RORB: variants seen among roughly 807,000 people sequenced by gnomAD.
RORB encodes RAR related orphan receptor B.
RORB carries 6 observed loss-of-function variants against 59.1 expected under a neutral mutation model. That is an observed-to-expected ratio of 0.10 (90% CI 0.06 to 0.20). RORB has a LOEUF of 0.20. Ranked by LOEUF, RORB falls within the 10% of genes least tolerant of loss-of-function variation. The pLI is 1.00. For synonymous variants in RORB, 215 were observed against 204.5 expected, an observed-to-expected ratio of 1.05 and a Z score of -0.44; for missense variants, 320 against 560.5, an observed-to-expected ratio of 0.57 and a Z score of 4.33.
At chr9:74,498,203 G>GC (rs1189117010) in intron 1 of RORB, 1 of 605,258 alleles carries the variant, frequency 1.7e-6, no homozygotes, top group African/African-American at 1.9e-5. Context: ...GCGGGAGGGC[G>GC]CTTTTTTGGA....
chr9:74,647,396 C>G (rs1823917251), intron 4 of RORB, among the ~76,000 whole-genome samples: 1 of 152,112 alleles, frequency 6.6e-6, no homozygotes, highest in Non-Finnish European at 1.5e-5. Flanking sequence ...TCTCAGACAA[C>G]AAGACAATTG....
intron 1 of RORB, among the ~76,000 whole-genome samples, chr9:74,610,949 C>T (rs552609300): frequency 7.3e-4 from 111 of 152,276 alleles, no homozygotes; most frequent in Admixed American, 1.7e-3. Context: ...TTTTCAAGAA[C>T]CTCCGTGGGA....
intron 1 of RORB, among the ~76,000 whole-genome samples, chr9:74,547,122 T>G (rs940300930): frequency 2.1e-4 from 32 of 151,856 alleles, no homozygotes; most frequent in African/African-American, 2.4e-4. Context: ...ATTGTTTTGG[T>G]TTTTTTTGTT....
intron 1 of RORB, among the ~76,000 whole-genome samples, chr9:74,545,620 G>A (rs970931642): frequency 1.3e-5 from 2 of 152,166 alleles, no homozygotes; most frequent in Non-Finnish European, 2.9e-5. Context: ...AAGATGAGAA[G>A]GTTGGAGAGA....
chr9:74,568,212 A>G (rs1822496657), intron 1 of RORB, among the ~76,000 whole-genome samples: 1 of 152,206 alleles, frequency 6.6e-6, no homozygotes, highest in African/African-American at 2.4e-5. Context: ...TGCTTGATTC[A>G]GGTGAAAAGT....
At chr9:74,510,865 G>A (rs1825927823) in intron 1 of RORB, among the ~76,000 whole-genome samples, 1 of 152,144 alleles carries the variant, frequency 6.6e-6, no homozygotes, top group Non-Finnish European at 1.5e-5. Flanking sequence ...AGAATGAGTA[G>A]CATCTTCACC....
At chr9:74,683,984 CTAAAATT>C (rs1452993749) in intron 9 of RORB, among the ~76,000 whole-genome samples, 1 of 152,160 alleles carries the variant, frequency 6.6e-6, no homozygotes, top group Non-Finnish European at 1.5e-5. Context: ...GATTCTCAGT[CTAAAATT>C]TAGCATCCAT....
chr9:74,585,644 C>T (rs1236811923), intron 1 of RORB, among the ~76,000 whole-genome samples: 1 of 152,042 alleles, frequency 6.6e-6, no homozygotes, highest in Non-Finnish European at 1.5e-5. Flanking sequence ...GGTACTATAC[C>T]GTCAACTAGT....
At chr9:74,633,740 G>A (rs1055337930) in intron 2 of RORB, among the ~76,000 whole-genome samples, 31 of 152,156 alleles carry the variant, frequency 2.0e-4, no homozygotes, top group African/African-American at 7.5e-4. Flanking sequence ...GTCACTGGCA[G>A]TTCATTTTTT....
chr9:74,566,795 C>CA (rs1822476463), intron 1 of RORB, among the ~76,000 whole-genome samples: 1 of 151,998 alleles, frequency 6.6e-6, no homozygotes, highest in South Asian at 2.1e-4. Context: ...GATTCCATCT[C>CA]AAAAAAATAA....
chr9:74,522,428 A>G (rs900460623), intron 1 of RORB, among the ~76,000 whole-genome samples: 1 of 151,788 alleles, frequency 6.6e-6, no homozygotes, highest in East Asian at 1.9e-4. Context: ...ACAACTAACC[A>G]AAATTATTCT....
intron 9 of RORB, among the ~76,000 whole-genome samples, chr9:74,674,639 C>T (rs1824405835): frequency 1.3e-5 from 2 of 152,288 alleles, no homozygotes; most frequent in South Asian, 4.1e-4. Context: ...TTGGGCCAAA[C>T]TTTAACCTTA....
At chr9:74,678,247 CTCTTAATG>C (rs1379427275) in intron 9 of RORB, among the ~76,000 whole-genome samples, 3 of 152,192 alleles carry the variant, frequency 2.0e-5, no homozygotes, top group African/African-American at 7.2e-5. Flanking sequence ...AGCACCTGAA[CTCTTAATG>C]TAAGGCAGCT....
chr9:74,529,530 G>A (rs1441830652), intron 1 of RORB, among the ~76,000 whole-genome samples: 1 of 151,534 alleles, frequency 6.6e-6, no homozygotes, highest in Non-Finnish European at 1.5e-5. Flanking sequence ...CATAATAATA[G>A]TACTTGGCTC....
In RORB at chr9:74,624,948, T is replaced by C. The variant is rs140548013; in HGVS notation, c.8-5334T>C. 2.0e-5 allele frequency among the ~76,000 whole-genome samples: 3 copies of C among 152,238 alleles called. No homozygotes were observed. The East Asian group carries it at 5.8e-4, about 29-fold the overall frequency. ...TGGGAAACAGAAGCTAACAGGTGAATCCAATGTCCTAGAATGTAGTCTGTG... is the reference window on the plus strand; with the variant it reads ...TGGGAAACAGAAGCTAACAGGTGAACCCAATGTCCTAGAATGTAGTCTGTG... On this transcript the variant is annotated intron_variant, in intron 1 of 9. Transcript: ENST00000376896.
intron 9 of RORB, among the ~76,000 whole-genome samples, chr9:74,674,470 G>T (rs139810076): frequency 6.6e-6 from 1 of 152,138 alleles, no homozygotes; most frequent in African/African-American, 2.4e-5. Context: ...TATTTCTACC[G>T]CTGACCTGTT....
intron 4 of RORB, among the ~76,000 whole-genome samples, chr9:74,656,125 A>C (rs1381975399): frequency 6.6e-6 from 1 of 152,212 alleles, no homozygotes; most frequent in Non-Finnish European, 1.5e-5. Flanking sequence ...ACTCTTATAA[A>C]TCCTTTGAGA....
intron 4 of RORB, among the ~76,000 whole-genome samples, chr9:74,653,436 T>C (rs1016761171): frequency 1.3e-5 from 2 of 152,096 alleles, no homozygotes; most frequent in Non-Finnish European, 2.9e-5. Context: ...TACGGTATTT[T>C]TAGGAAGAAT....
At chr9:74,569,656 A>T (rs1235324189) in intron 1 of RORB, among the ~76,000 whole-genome samples, 2 of 152,096 alleles carry the variant, frequency 1.3e-5, no homozygotes, top group African/African-American at 4.8e-5. Context: ...CATCATTGAA[A>T]CCAGGTGACT....
Sources: allele counts gnomAD v4.1 joint callset (sites outside exome capture counted in the v4.1 genomes callset), GRCh38; gene constraint gnomAD v4.1.1; transcripts MANE v1.5; gene names NCBI Gene and HGNC (gene_info 2026-07-23, HGNC 2026-07-21).